Variants in IL9 observed in about 807,000 individuals in gnomAD.
IL9 encodes interleukin-9.
Under a neutral mutation model 12.9 loss-of-function variants are expected in IL9, and 16 were observed. The observed-to-expected ratio is 1.24, with a 90% CI of 0.84 to 1.88. The LOEUF is 1.88. Ranked by LOEUF, IL9 falls within the 40% of genes most tolerant of loss-of-function variation. The probability of loss-of-function intolerance (pLI) is 0.00; values close to 1 mark genes in which losing one functional copy is unlikely to be tolerated. For synonymous variants in IL9, 69 were observed against 63.8 expected (o/e 1.08, Z -0.39); for missense variants, 170 against 173.1 (o/e 0.98, Z 0.10).
Position 135,895,753 on chromosome 5 carries a change from G to A in IL9, c.64C>T (p.Pro22Ser). The A allele has an allele frequency of 6.2e-7, 1 of 1,614,074 alleles. No homozygotes were observed. The highest frequency in any genetic ancestry group is 1.1e-5 in the South Asian group (1 of 91,052). The change falls in exon 1 of 5, where the codon CCA becomes TCA. Residue 22 changes from proline to serine, a missense_variant. Physicochemically the swap from Pro to Ser is moderately conservative, Grantham distance 74. Transcript: ENST00000274520. ...LLCSVAGQGCPTLAGILDINF... is the reference protein window; with the variant it reads ...LLCSVAGQGCSTLAGILDINF... Reference sequence around the variant, plus strand: ...ATGTCCAGGATCCCCGCCAAGGTTGGACACCCCTGGCCTGCCACGGAGCAC... The same window carrying A: ...ATGTCCAGGATCCCCGCCAAGGTTGAACACCCCTGGCCTGCCACGGAGCAC...
At position 135,895,581 on chromosome 5, in the gene IL9, C is replaced by T; in HGVS notation, c.124G>A (p.Ala42Thr). ...TTAGCACTGCAGTGGCACTTGGAAGCTGGATCTTCCTAAAGTAGATAGAGA... is the reference window on the plus strand; with the variant it reads ...TTAGCACTGCAGTGGCACTTGGAAGTTGGATCTTCCTAAAGTAGATAGAGA... ...FLINKMQEDP[A>T]SKCHCSANVT... Residue 42 changes from alanine (A) to threonine (T), a missense_variant, in exon 2 of 5, where the codon GCT becomes ACT. Ala to Thr is a moderately conservative substitution (Grantham distance 58, BLOSUM62 0). Coordinates refer to ENST00000274520, the MANE Select transcript of IL9 (RefSeq NM_000590.2). 2 of 1,614,124 alleles carry T rather than the reference C, an allele frequency of 1.2e-6. No individual in the cohort carries two copies. The highest frequency in any genetic ancestry group is 1.7e-6 in the Non-Finnish European group (2 of 1,179,938).
chr5:135,892,532 A>C (rs1442696574), intron 4 of IL9, 22 bp from the exon 5 acceptor site: 5 of 1,598,478 alleles, frequency 3.1e-6, no homozygotes, highest in Non-Finnish European at 4.3e-6. Context: ...AAAGTTGATA[A>C]GGACAGAGTG....
At chr5:135,892,759 CACACACACACACACACACA>C (rs773364071) in intron 4 of IL9, among the ~76,000 whole-genome samples, 106 of 151,828 alleles carry the variant, frequency 7.0e-4, no homozygotes, top group Non-Finnish European at 1.3e-3. Flanking sequence ...CACACACACA[CACACACACACACACACACA>C]CCCCTATTAA....
chr5:135,893,064 G>A (rs1041786781), intron 4 of IL9, among the ~76,000 whole-genome samples: 15 of 152,282 alleles, frequency 9.9e-5, no homozygotes, highest in South Asian at 2.1e-4. Flanking sequence ...CATATATTAA[G>A]CACTTAGAAC....
intron 1 of IL9, 43 bp from the exon 2 acceptor site, chr5:135,895,633 T>G (rs775539518): frequency 6.2e-7 from 1 of 1,611,990 alleles, no homozygotes; most frequent in Non-Finnish European, 8.5e-7. Flanking sequence ...CAGCCCCGAG[T>G]TTTTTCATCC....
At position 135,892,512 on chromosome 5, in the gene IL9, T is replaced by C. The variant is rs1259248280; in HGVS notation, c.316-2A>G. 6.2e-7 allele frequency: 1 copy of C among 1,610,964 alleles called. No individual in the cohort carries two copies. The highest frequency in any genetic ancestry group is 1.7e-4 in the Middle Eastern group (1 of 6,040). ...GCATGGCTGTTCACAGGAAAAATAC[T>C]GTGGGGATGAAAGTTGATAAGGACA... On this transcript the variant is annotated splice_acceptor_variant, in intron 4 of 4. Coordinates refer to ENST00000274520, the MANE Select transcript of IL9 (RefSeq NM_000590.2). LOFTEE classifies it high-confidence loss of function.
rs1434619550 is a variant in IL9, at chr5:135,895,787, G to A, written c.30C>T (p.Ala10=). Residue 10 remains alanine, a synonymous_variant, in exon 1 of 5, where the codon GCC becomes GCT. Transcript: ENST00000274520. Reference sequence around the variant, plus strand: ...GGCCTGCCACGGAGCACAGGAGCAGGGCAGAGGTAAGGACCATGGCCAGAA... The same window carrying A: ...GGCCTGCCACGGAGCACAGGAGCAGAGCAGAGGTAAGGACCATGGCCAGAA... The part of the protein sequence containing the change: MLLAMVLTS[A]LLLCSVAGQG... 18 of 1,613,848 alleles carry A rather than the reference G, an allele frequency of 1.1e-5. No homozygotes were observed. In the East Asian group the frequency reaches 3.8e-4, roughly 34 times the overall value.
intron 4 of IL9, among the ~76,000 whole-genome samples, 163 bp downstream of exon 4, chr5:135,893,857 T>G (rs777442686): frequency 6.6e-6 from 1 of 152,218 alleles, no homozygotes. Flanking sequence ...TCAGTGGATC[T>G]CACTTTAATT....
In IL9 at chr5:135,895,600, A is replaced by G. The variant is rs779411427; in HGVS notation, c.115-10T>C. On this transcript the variant is annotated splice_polypyrimidine_tract_variant and intron_variant, in intron 1 of 4. Coordinates refer to ENST00000274520, the MANE Select transcript of IL9 (RefSeq NM_000590.2). The stretch of plus-strand genomic sequence containing the variant: ...TGGAAGCTGGATCTTCCTAAAGTAG[A>G]TAGAGAGATAAGAACCTTTAGTCAG... 4.0e-5 allele frequency: 64 copies of G among 1,613,874 alleles called. No individual in the cohort carries two copies. The highest frequency in any genetic ancestry group is 5.3e-5 in the Non-Finnish European group (63 of 1,179,820).
Position 135,895,688 on chromosome 5 carries a change from C to T in IL9, c.114+15G>A, listed in dbSNP as rs755648595. 15 of 1,607,920 alleles carry T rather than the reference C, an allele frequency of 9.3e-6. No homozygotes were observed. Among genetic ancestry groups the T allele is most frequent in the Admixed American group, 3.3e-5 (2 of 59,968 alleles). On this transcript the variant is annotated intron_variant, in intron 1 of 4. Coordinates refer to ENST00000274520, the MANE Select transcript of IL9 (RefSeq NM_000590.2). ...TCAGTAGCTGTCTTTCCCATGGGCT[C>T]CCCCTGCAGCCTACCTGCATCTTGT... is the stretch of plus-strand genomic sequence containing the variant.
intron 3 of IL9, among the ~76,000 whole-genome samples, chr5:135,894,515 G>A (rs891015043): frequency 6.6e-6 from 1 of 152,226 alleles, no homozygotes; most frequent in East Asian, 1.9e-4. Context: ...CTAATGGGAT[G>A]TGACAATTGA....
rs1449867220 is a variant in IL9, at chr5:135,895,480, G to A, written c.151-8C>T. On this transcript the variant is annotated splice_polypyrimidine_tract_variant and splice_region_variant and intron_variant, in intron 2 of 4. Transcript: ENST00000274520. ...ACAGAGACAACTGGTCACCTGCAAG[G>A]GAAATTTCAGAGTGAAGATTCCAGA... 1 of 1,613,956 alleles carries A rather than the reference G, an allele frequency of 6.2e-7. No individual in the cohort carries two copies. Among genetic ancestry groups the A allele is most frequent in the Admixed American group, 1.7e-5 (1 of 59,994 alleles).
At chr5:135,892,605 T>C (rs1581081140) in intron 4 of IL9, 95 bp from the exon 5 acceptor site, 8 of 1,404,518 alleles carry the variant, frequency 5.7e-6, no homozygotes, top group East Asian at 2.4e-5. Flanking sequence ...GAGTCGGTGG[T>C]GAGGATTGTG....
intron 3 of IL9, among the ~76,000 whole-genome samples, chr5:135,895,067 G>T (rs1368639754): frequency 6.6e-6 from 1 of 152,200 alleles, no homozygotes; most frequent in Non-Finnish European, 1.5e-5. Context: ...ATCAGTAAAT[G>T]AGTTAGAAAG....
chr5:135,892,382 A>C lies in IL9; in HGVS notation c.*9T>G. ...AAATTTAATAAATAGGATAAATAAT[A>C]TTTCATCTTCATATCTTGCCTCTCA... On this transcript the variant is annotated 3_prime_UTR_variant, in exon 5 of 5. Transcript: ENST00000274520. 1 of 1,573,056 alleles carries C rather than the reference A, an allele frequency of 6.4e-7. No individual in the cohort carries two copies. Among genetic ancestry groups the C allele is most frequent in the Non-Finnish European group, 8.6e-7 (1 of 1,156,946 alleles).
chr5:135,895,609 T>TA lies in IL9; in HGVS notation c.115-20dup. On this transcript the variant is annotated intron_variant, in intron 1 of 4. Transcript: ENST00000274520. ...GATCTTCCTAAAGTAGATAGAGAGA[T>TA]AAGAACCTTTAGTCAGCCCCGAGTT... 2 of 1,613,884 alleles carry TA rather than the reference T, an allele frequency of 1.2e-6. No individual in the cohort carries two copies. Among genetic ancestry groups the TA allele is most frequent in the South Asian group, 2.2e-5 (2 of 91,072 alleles).
intron 3 of IL9, among the ~76,000 whole-genome samples, chr5:135,894,599 G>A (rs897562383): frequency 1.3e-5 from 2 of 152,224 alleles, no homozygotes; most frequent in Non-Finnish European, 2.9e-5. Context: ...CTGTCTGCCT[G>A]GTTCCTGCCC....
rs1453476718 is a variant in IL9 at position 135,895,801 on chromosome 5, C to T, written c.16G>A (p.Val6Ile). 7 of 1,613,344 alleles carry T rather than the reference C, an allele frequency of 4.3e-6. No individual in the cohort carries two copies. The highest frequency in any genetic ancestry group is 5.9e-6 in the Non-Finnish European group (7 of 1,179,652). ...CACAGGAGCAGGGCAGAGGTAAGGA[C>T]CATGGCCAGAAGCATCTTGACAGCG... MLLAM[V>I]LTSALLLCSV... Residue 6 changes from valine to isoleucine, a missense_variant, in exon 1 of 5, where the codon GTC becomes ATC. Val to Ile is a conservative substitution (Grantham distance 29). Coordinates refer to ENST00000274520, the MANE Select transcript of IL9 (RefSeq NM_000590.2).
chr5:135,893,997 A>G lies in IL9; in HGVS notation c.315+23T>C, dbSNP rs200402013. 2.5e-6 allele frequency: 4 copies of G among 1,601,846 alleles called. No homozygotes were observed. In the African/African-American group the frequency reaches 5.4e-5, roughly 21 times the overall value. On this transcript the variant is annotated intron_variant, in intron 4 of 4. Coordinates refer to ENST00000274520, the MANE Select transcript of IL9 (RefSeq NM_000590.2). ...ACATAGAAATCACCAACAGGAACAT[A>G]TCACATATGAAAACAAACTTACTGG...
Sources: allele counts gnomAD v4.1 joint callset (sites outside exome capture counted in the v4.1 genomes callset), GRCh38; gene constraint gnomAD v4.1.1; transcripts MANE v1.5; gene names NCBI Gene and HGNC (gene_info 2026-07-23, HGNC 2026-07-21).